GRID2: variants seen among roughly 807,000 people sequenced by gnomAD.
GRID2 encodes glutamate ionotropic receptor delta type subunit 2.
GRID2 carries 33 observed loss-of-function variants against 114.8 expected under a neutral mutation model. The ratio of observed to expected loss-of-function variants is 0.29; its 90% CI spans 0.22 to 0.38. The LOEUF (loss-of-function observed/expected upper bound fraction) is 0.38, where lower values mean the gene tolerates loss of function less well. Among genes scored for constraint, GRID2 ranks in the 10% least tolerant of loss-of-function variants. The probability of loss-of-function intolerance (pLI) is 1.00; values close to 1 mark genes in which losing one functional copy is unlikely to be tolerated. For synonymous variants in GRID2, 505 were observed against 449.9 expected (o/e 1.12, Z -1.55); for missense variants, 1,184 against 1,257.7 (o/e 0.94, Z 0.89).
intron 9 of GRID2, among the ~76,000 whole-genome samples, chr4:93,418,971 C>T (rs2149362688): frequency 6.6e-6 from 1 of 151,716 alleles, no homozygotes; most frequent in East Asian, 1.9e-4. Context: ...TATGATGCCT[C>T]CTTCTTCTGT....
intron 14 of GRID2, among the ~76,000 whole-genome samples, chr4:93,743,919 A>G (rs1731623114): frequency 6.6e-6 from 1 of 152,168 alleles, no homozygotes; most frequent in Admixed American, 6.5e-5. Flanking sequence ...AGGACAGCCT[A>G]TCTTGTTAAG....
chr4:92,607,599 T>C (rs1477107641), intron 2 of GRID2, among the ~76,000 whole-genome samples: 1 of 151,928 alleles, frequency 6.6e-6, no homozygotes, highest in Non-Finnish European at 1.5e-5. Context: ...CAGACCTGTT[T>C]GCATCTCATA....
At chr4:93,083,231 G>T (rs945237049) in intron 2 of GRID2, among the ~76,000 whole-genome samples, 1 of 151,820 alleles carries the variant, frequency 6.6e-6, no homozygotes, top group Non-Finnish European at 1.5e-5. Flanking sequence ...AATCATTAAT[G>T]GTCATATATA....
chr4:93,170,383 C>T (rs974310509), intron 4 of GRID2, among the ~76,000 whole-genome samples: 12 of 152,062 alleles, frequency 7.9e-5, no homozygotes, highest in African/African-American at 1.9e-4. Context: ...TGTGCTGGGC[C>T]CCCCCCTTTT....
chr4:92,441,796 C>T (rs1009461334), intron 1 of GRID2, among the ~76,000 whole-genome samples: 27 of 151,894 alleles, frequency 1.8e-4, no homozygotes, highest in African/African-American at 5.8e-4. Flanking sequence ...GTAGAGGTAT[C>T]TTATACTTGT....
intron 14 of GRID2, among the ~76,000 whole-genome samples, chr4:93,672,950 C>T (rs1724556014): frequency 6.6e-6 from 1 of 152,108 alleles, no homozygotes; most frequent in Non-Finnish European, 1.5e-5. Flanking sequence ...TACTCAAAAT[C>T]ATTTTATATT....
chr4:92,819,060 G>A lies in GRID2; in HGVS notation c.244+228774G>A, dbSNP rs79813148. On this transcript the variant is annotated intron_variant, in intron 2 of 15. Coordinates refer to ENST00000282020, the MANE Select transcript of GRID2 (RefSeq NM_001510.4). The stretch of plus-strand genomic sequence containing the variant: ...CACTGAATCAGAACTATTTATTTCT[G>A]TCCTACACCAAAGCCCTTGTTTTAT... Among the ~76,000 whole-genome samples, 1,276 of 152,066 alleles carry A rather than the reference G, an allele frequency of 8.4e-3. 21 individuals carry two copies. The highest frequency in any genetic ancestry group is 0.026 in the African/African-American group (1,095 of 41,502).
intron 2 of GRID2, among the ~76,000 whole-genome samples, chr4:92,971,654 G>A (rs1427953292): frequency 6.6e-6 from 1 of 151,886 alleles, no homozygotes; most frequent in African/African-American, 2.4e-5. Flanking sequence ...CCATTTAGCT[G>A]TAAGTTTGTA....
intron 1 of GRID2, among the ~76,000 whole-genome samples, chr4:92,353,818 G>A (rs148087492): frequency 1.3e-5 from 2 of 151,890 alleles, no homozygotes; most frequent in Non-Finnish European, 2.9e-5. Context: ...CCCTGGTCAC[G>A]CACATGACTT....
chr4:92,452,912 T>C (rs1182138842), intron 1 of GRID2, among the ~76,000 whole-genome samples: 1 of 145,084 alleles, frequency 6.9e-6, no homozygotes, highest in East Asian at 2.0e-4. Flanking sequence ...TATGTATGTT[T>C]CTATATATGA....
chr4:93,678,061 C>T (rs758499431), intron 14 of GRID2, among the ~76,000 whole-genome samples: 30 of 152,078 alleles, frequency 2.0e-4, no homozygotes, highest in Non-Finnish European at 3.5e-4. Flanking sequence ...ACTAGACTAA[C>T]CAATACAGAG....
intron 12 of GRID2, among the ~76,000 whole-genome samples, chr4:93,509,890 G>A (rs533106614): frequency 8.5e-4 from 130 of 152,252 alleles, no homozygotes; most frequent in African/African-American, 2.9e-3. Flanking sequence ...CACTTCATAG[G>A]ACAGCTCTCA....
chr4:93,046,591 T>C (rs1378407267), intron 2 of GRID2, among the ~76,000 whole-genome samples: 1 of 152,050 alleles, frequency 6.6e-6, no homozygotes, highest in Non-Finnish European at 1.5e-5. Context: ...TCTGTACTCG[T>C]ATTTTAATCA....
chr4:93,348,560 G>A (rs78392347), intron 8 of GRID2, among the ~76,000 whole-genome samples: 1 of 152,204 alleles, frequency 6.6e-6, no homozygotes, highest in East Asian at 1.9e-4. Flanking sequence ...TTTAGAAAAT[G>A]GATAAATGCC....
At chr4:92,986,546 T>C (rs1375520055) in intron 2 of GRID2, among the ~76,000 whole-genome samples, 1 of 152,054 alleles carries the variant, frequency 6.6e-6, no homozygotes, top group Admixed American at 6.6e-5. Flanking sequence ...GAAAACTACT[T>C]TGGTAGCACA....
At chr4:93,388,285 A>G (rs1037924430) in intron 8 of GRID2, among the ~76,000 whole-genome samples, 1 of 152,194 alleles carries the variant, frequency 6.6e-6, no homozygotes, top group African/African-American at 2.4e-5. Flanking sequence ...CTGTATATTC[A>G]AAACCACTGA....
chr4:92,326,453 A>G (rs190222972), intron 1 of GRID2, among the ~76,000 whole-genome samples: 12 of 152,046 alleles, frequency 7.9e-5, no homozygotes, highest in Admixed American at 7.2e-4. Context: ...GAATGTAATA[A>G]ATAAATACAG....
At chr4:93,268,787 A>G (rs1293477077) in intron 8 of GRID2, among the ~76,000 whole-genome samples, 2 of 149,974 alleles carry the variant, frequency 1.3e-5, no homozygotes, top group South Asian at 2.1e-4. Context: ...CTCGAAAAAT[A>G]TAAAAGCACT....
chr4:93,023,400 C>T (rs1723581782), intron 2 of GRID2, among the ~76,000 whole-genome samples: 1 of 151,876 alleles, frequency 6.6e-6, no homozygotes, highest in Non-Finnish European at 1.5e-5. Flanking sequence ...TTTGAAGAAG[C>T]TCTGCAATAA....
Sources: allele counts gnomAD v4.1 joint callset (sites outside exome capture counted in the v4.1 genomes callset), GRCh38; gene constraint gnomAD v4.1.1; transcripts MANE v1.5; gene names NCBI Gene and HGNC (gene_info 2026-07-23, HGNC 2026-07-21).